ACSS3: variants seen among roughly 807,000 people sequenced by gnomAD.
ACSS3 encodes the protein acyl-CoA synthetase short-chain family member 3, mitochondrial.
In ACSS3, 64 loss-of-function variants were observed where a neutral mutation model predicts 84.2. The observed-to-expected ratio is 0.76, with a 90% CI of 0.62 to 0.94. The LOEUF (loss-of-function observed/expected upper bound fraction) is 0.94, where lower values mean the gene tolerates loss of function less well. ACSS3 is among the 40% of genes least tolerant of loss of function. ACSS3 has a pLI of 0.00. For synonymous variants in ACSS3, 317 were observed against 310.1 expected (o/e 1.02, Z -0.23); for missense variants, 815 against 867.6 (o/e 0.94, Z 0.76).
chr12:81,115,353 G>A (rs1565983783), intron 2 of ACSS3, among the ~76,000 whole-genome samples: 4 of 152,084 alleles, frequency 2.6e-5, no homozygotes. Context: ...TTCAAATTTT[G>A]CCCTTTCTAG....
chr12:81,106,559 T>C (rs2121480954), intron 1 of ACSS3, among the ~76,000 whole-genome samples: 2 of 152,330 alleles, frequency 1.3e-5, no homozygotes, highest in Middle Eastern at 6.8e-3. Context: ...GAAAACATTG[T>C]CTTTCATGAA....
rs1295149832 is a variant in ACSS3 at position 81,256,472 on chromosome 12, TGAC to T, written c.*1551_*1553del. The stretch of plus-strand genomic sequence containing the variant: ...TATTTGATTTACTTAGGGATCTATA[TGAC>T]ATCAGTTATCAAAGAATACATTTTA... On this transcript the variant is annotated 3_prime_UTR_variant, in exon 16 of 16. Transcript: ENST00000548058. 1.3e-5 allele frequency: 2 copies of T among 152,176 alleles called. No homozygotes were observed. Among genetic ancestry groups the T allele is most frequent in the Non-Finnish European group, 2.9e-5 (2 of 68,026 alleles). 9.4% of individuals were successfully genotyped at this position (152,176 alleles called of 1,614,324 possible). A position where few individuals can be genotyped will look rare whatever the true frequency, so the allele number is the denominator to read the frequency against.
intron 13 of ACSS3, among the ~76,000 whole-genome samples, chr12:81,239,514 T>C (rs2033725726): frequency 6.6e-6 from 1 of 151,904 alleles, no homozygotes; most frequent in Non-Finnish European, 1.5e-5. Flanking sequence ...CATAATCCCA[T>C]ATGGCTGGGG....
intron 1 of ACSS3, among the ~76,000 whole-genome samples, chr12:81,095,850 C>G (rs1437355213): frequency 1.3e-5 from 2 of 152,104 alleles, no homozygotes; most frequent in African/African-American, 4.8e-5. Flanking sequence ...TAGGAAGGAT[C>G]GGTGGGACTA....
intron 1 of ACSS3, among the ~76,000 whole-genome samples, chr12:81,100,926 G>A (rs1593041444): frequency 6.6e-6 from 1 of 152,144 alleles, no homozygotes; most frequent in Non-Finnish European, 1.5e-5. Context: ...CATTTCAAGT[G>A]GGTATGAAAG....
In ACSS3 at chr12:81,078,139, C is replaced by A; in HGVS notation, c.19C>A (p.Gln7Lys). The A allele has an allele frequency of 6.7e-7, 1 of 1,494,664 alleles. No individual in the cohort carries two copies. Among genetic ancestry groups the A allele is most frequent in the South Asian group, 1.3e-5 (1 of 76,872 alleles). The allele number at this position is 1,494,664 out of a possible 1,614,324, so 92.6% of individuals were successfully genotyped here. The change falls in exon 1 of 16, where the codon CAG (glutamine) becomes AAG (lysine). Residue 7 changes from glutamine to lysine, a missense_variant. Gln to Lys is a moderately conservative substitution (Grantham distance 53). Coordinates refer to ENST00000548058, the MANE Select transcript of ACSS3 (RefSeq NM_024560.4). The part of the protein sequence containing the change: MKPSWL[Q>K]CRKVTSAGGL... ...GGAGGAGATGAAACCGTCTTGGCTG[C>A]AGTGTCGTAAAGTCACCAGCGCCGG...
chr12:81,090,617 T>G (rs189218843), intron 1 of ACSS3, among the ~76,000 whole-genome samples: 1 of 152,082 alleles, frequency 6.6e-6, no homozygotes, highest in African/African-American at 2.4e-5. Flanking sequence ...AATCCACAAA[T>G]CCTCTATCAA....
intron 5 of ACSS3, among the ~76,000 whole-genome samples, chr12:81,149,660 A>G (rs1886514723): frequency 1.3e-5 from 2 of 152,216 alleles, no homozygotes; most frequent in Non-Finnish European, 2.9e-5. Flanking sequence ...TTTAAAAAAT[A>G]AAAGTAAGTG....
intron 9 of ACSS3, among the ~76,000 whole-genome samples, chr12:81,206,959 A>G (rs1186499855): frequency 6.6e-6 from 1 of 152,156 alleles, no homozygotes; most frequent in Non-Finnish European, 1.5e-5. Flanking sequence ...TTTAAAAAAT[A>G]TATTACACAA....
chr12:81,135,398 C>T (rs1885743872), intron 3 of ACSS3, among the ~76,000 whole-genome samples: 1 of 131,546 alleles, frequency 7.6e-6, no homozygotes, highest in Admixed American at 7.7e-5. Context: ...TACAATAATA[C>T]TTAAATACAT....
chr12:81,136,224 T>C (rs576374862), intron 3 of ACSS3, among the ~76,000 whole-genome samples: 8 of 152,148 alleles, frequency 5.3e-5, no homozygotes, highest in African/African-American at 1.4e-4. Context: ...TTAAAAAATG[T>C]TAACTATTAT....
intron 9 of ACSS3, among the ~76,000 whole-genome samples, chr12:81,213,070 C>T (rs2032657845): frequency 6.6e-6 from 1 of 152,144 alleles, no homozygotes; most frequent in East Asian, 1.9e-4. Flanking sequence ...AAAGAGAATG[C>T]TCTAGTTTGT....
At chr12:81,137,329 A>T (rs1885858940) in intron 3 of ACSS3, among the ~76,000 whole-genome samples, 4 of 66,568 alleles carry the variant, frequency 6.0e-5, no homozygotes, top group African/African-American at 1.3e-4. Context: ...CATCACACAC[A>T]CACACACACA....
intron 1 of ACSS3, among the ~76,000 whole-genome samples, chr12:81,107,539 T>C (rs1303948820): frequency 1.4e-4 from 16 of 117,028 alleles, no homozygotes; most frequent in Admixed American, 6.6e-4. Context: ...TATATATATA[T>C]ATATATATAT....
chr12:81,241,532 C>T lies in ACSS3; in HGVS notation c.1719+8061C>T, dbSNP rs562845872. Among the ~76,000 whole-genome samples the T allele has an allele frequency of 2.6e-5, 4 of 152,272 alleles. No individual in the cohort carries two copies. In the South Asian group the frequency reaches 8.3e-4, roughly 32 times the overall value. Reference sequence around the variant, plus strand: ...GACTTTTTAGTGATCGCCATTCTAACTGGTATGAGATGATATCTCATTGTG... The same window carrying T: ...GACTTTTTAGTGATCGCCATTCTAATTGGTATGAGATGATATCTCATTGTG... On this transcript the variant is annotated intron_variant, in intron 13 of 15. Coordinates refer to ENST00000548058, the MANE Select transcript of ACSS3 (RefSeq NM_024560.4).
chr12:81,148,181 T>A (rs1403142060), intron 5 of ACSS3, among the ~76,000 whole-genome samples: 1 of 152,110 alleles, frequency 6.6e-6, no homozygotes, highest in Non-Finnish European at 1.5e-5. Flanking sequence ...CTTATATTTT[T>A]ACAATGAAGA....
intron 10 of ACSS3, 114 bp downstream of exon 10, chr12:81,217,110 G>T: frequency 1.4e-6 from 1 of 705,622 alleles, no homozygotes; most frequent in Non-Finnish European, 2.3e-6. Flanking sequence ...CTGGTTGAAT[G>T]AATGCCTTGT....
chr12:81,221,575 G>A (rs1370789470), intron 11 of ACSS3, among the ~76,000 whole-genome samples: 2 of 152,032 alleles, frequency 1.3e-5, no homozygotes, highest in African/African-American at 2.4e-5. Flanking sequence ...AAACATGTAA[G>A]CACTATATTA....
chr12:81,109,807 A>G, intron 2 of ACSS3, 103 bp downstream of exon 2: 2 of 945,762 alleles, frequency 2.1e-6, no homozygotes, highest in Admixed American at 6.7e-5. Flanking sequence ...ATGCATTGAA[A>G]TATGTTGCCA....
Sources: gnomAD v4.1 joint callset for allele counts (sites outside exome capture counted in the v4.1 genomes callset) on GRCh38, gnomAD v4.1.1 for gene constraint, MANE v1.5 for transcripts, NCBI Gene and HGNC (gene_info 2026-07-23, HGNC 2026-07-21) for gene names.